Variants in IRS1 observed in about 807,000 individuals in gnomAD.
The protein encoded by IRS1 is insulin receptor substrate 1.
IRS1 carries 34 observed loss-of-function variants against 65.6 expected under a neutral mutation model. That is an observed-to-expected ratio of 0.52 (90% CI 0.39 to 0.69). IRS1 has a LOEUF of 0.69. IRS1 is among the 30% of genes least tolerant of loss of function. The probability of loss-of-function intolerance (pLI) is 0.00; values close to 1 mark genes in which losing one functional copy is unlikely to be tolerated. For missense variants in IRS1, 1,641 were observed against 1,720.2 expected, an observed-to-expected ratio of 0.95 and a Z score of 0.81; for synonymous variants, 699 against 683.5, an observed-to-expected ratio of 1.02 and a Z score of -0.35.
At chr2:226,784,505 C>T (rs1176447498) in intron 1 of IRS1, among the ~76,000 whole-genome samples, 3 of 152,078 alleles carry the variant, frequency 2.0e-5, no homozygotes, top group Admixed American at 2.0e-4. Flanking sequence ...TCACTGCAAT[C>T]TCTGCCTGTC....
In IRS1 at chr2:226,797,972, G is replaced by A; in HGVS notation, c.767C>T (p.Ala256Val). 1 of 1,614,090 alleles carries A rather than the reference G, an allele frequency of 6.2e-7. No individual in the cohort carries two copies. The highest frequency in any genetic ancestry group is 8.5e-7 in the Non-Finnish European group (1 of 1,180,022). The change falls in exon 1 of 2, where the codon GCC (alanine) becomes GTC (valine). Residue 256 changes from alanine to valine, a missense_variant. Transcript: ENST00000305123. The surrounding 1 kb of genome is among the most constrained non-coding windows in gnomAD (Gnocchi z 8.1). ...AQNMHETILEAMRAMSDEFRP... is the reference protein window; with the variant it reads ...AQNMHETILEVMRAMSDEFRP... ...GAACTCATCACTCATGGCCCGCATG[G>A]CCTCCAGGATGGTCTCGTGCATGTT...
intron 1 of IRS1, among the ~76,000 whole-genome samples, chr2:226,786,011 G>A (rs1355690072): frequency 6.7e-6 from 1 of 148,378 alleles, no homozygotes; most frequent in Non-Finnish European, 1.5e-5. Flanking sequence ...TTTTGTCCTT[G>A]CGATAGTTTG....
rs1938262409 is a variant in IRS1 at position 226,733,092 on chromosome 2, TAAATATA to T, written c.*3173_*3179del. On this transcript the variant is annotated 3_prime_UTR_variant, in exon 2 of 2. Transcript: ENST00000305123. ...CCTTTTTTTAACCACCTGCAGTAAATAAATATAAAGTTTCCGACTTTGTGGTATATTG... is the reference window on the plus strand; with the variant it reads ...CCTTTTTTTAACCACCTGCAGTAAATAAGTTTCCGACTTTGTGGTATATTG... 2 of 150,792 alleles carry T rather than the reference TAAATATA, an allele frequency of 1.3e-5. No homozygotes were observed. The highest frequency in any genetic ancestry group is 1.3e-4 in the Admixed American group (2 of 15,214). The allele number at this position is 150,792 out of a possible 1,614,324, so 9.3% of individuals were successfully genotyped here.
At position 226,796,369 on chromosome 2, in the gene IRS1, G is replaced by A; in HGVS notation, c.2370C>T (p.Arg790=). Residue 790 remains arginine, a synonymous_variant, in exon 1 of 2, where the codon CGC becomes CGT. Transcript: ENST00000305123. ...GAAGGCGACCAGAGCTAGTGGAAAG[G>A]CGGAGGTGCTGATGCCGGGCACCCT... ...PEEGARHQHL[R]LSTSSGRLLY... 6.2e-6 allele frequency: 10 copies of A among 1,613,338 alleles called. No homozygotes were observed. The highest frequency in any genetic ancestry group is 5.9e-6 in the Non-Finnish European group (7 of 1,180,040).
At position 226,795,650 on chromosome 2, in the gene IRS1, G is replaced by T. The variant is rs536862124; in HGVS notation, c.3089C>A (p.Thr1030Asn). ...AAEEVSLPRA[T>N]MAAASSSSAA... The stretch of plus-strand genomic sequence containing the variant: ...TGAGGATGAGGAGGCAGCAGCCATG[G>T]TGGCCCTGGGCAGGCTCACCTCCTC... Residue 1030 changes from threonine to asparagine, a missense_variant, in exon 1 of 2, where the codon ACC becomes AAC. By Grantham distance (65) the Thr-to-Asn change is moderately conservative. This residue lies in a region of IRS1 where 1,324 missense variants were observed against 1,361.0 expected (regional missense o/e 0.97). Transcript: ENST00000305123. 1 of 1,612,956 alleles carries T rather than the reference G, an allele frequency of 6.2e-7. No homozygotes were observed. The highest frequency in any genetic ancestry group is 8.5e-7 in the Non-Finnish European group (1 of 1,179,894).
intron 1 of IRS1, among the ~76,000 whole-genome samples, chr2:226,749,992 G>A (rs1209245650): frequency 6.6e-6 from 1 of 152,172 alleles, no homozygotes; most frequent in Non-Finnish European, 1.5e-5. Context: ...GCTCATGCCT[G>A]TAATCTCAGC....
Position 226,769,146 on chromosome 2 carries a change from C to A in IRS1, c.*21+25843G>T, listed in dbSNP as rs188468905. 1.6e-3 allele frequency among the ~76,000 whole-genome samples: 238 copies of A among 152,334 alleles called. 1 individual carries two copies. The highest frequency in any genetic ancestry group is 5.0e-3 in the African/African-American group (208 of 41,570). On this transcript the variant is annotated intron_variant, in intron 1 of 1. Transcript: ENST00000305123. ...GAAACTAGTAATAGGATTCTCCCAA[C>A]TCAATACTCCCACTATCACCGAATC...
intron 1 of IRS1, chr2:226,792,353 C>A (rs1939628628): frequency 6.6e-6 from 1 of 152,150 alleles, no homozygotes; most frequent in Non-Finnish European, 1.5e-5. Context: ...AATTTACTCT[C>A]TGCAGAGAGT....
rs1938291004 is a variant in IRS1, at chr2:226,734,551, C to G, written c.*1721G>C. ...CACTACAATGCCCTCCAACCCTGGC[C>G]CCTACCTTGTAGTCCCCACTCCCAC... On this transcript the variant is annotated 3_prime_UTR_variant, in exon 2 of 2. Transcript: ENST00000305123. 1 of 152,130 alleles carries G rather than the reference C, an allele frequency of 6.6e-6. No homozygotes were observed. Among genetic ancestry groups the G allele is most frequent in the Admixed American group, 6.6e-5 (1 of 15,264 alleles). 9.4% of individuals were successfully genotyped at this position (152,130 alleles called of 1,614,324 possible).
At chr2:226,791,610 A>C (rs2106182362) in intron 1 of IRS1, among the ~76,000 whole-genome samples, 1 of 151,634 alleles carries the variant, frequency 6.6e-6, no homozygotes, top group Non-Finnish European at 1.5e-5. Flanking sequence ...GGTGCCAGGC[A>C]GGGTGGCAGA....
chr2:226,798,790 C>A lies in IRS1; in HGVS notation c.-52G>T. The A allele has an allele frequency of 6.4e-7, 1 of 1,574,678 alleles. No individual in the cohort carries two copies. Among genetic ancestry groups the A allele is most frequent in the Non-Finnish European group, 8.6e-7 (1 of 1,161,084 alleles). ...GCAGAGGGAGGCTCCGAAAAACAAC[C>A]GGGTGGGGGGCGGAGGCTCCTCGCC... is the stretch of plus-strand genomic sequence containing the variant. On this transcript the variant is annotated 5_prime_UTR_variant, in exon 1 of 2. Transcript: ENST00000305123. This position sits in a 1 kb window ranked among gnomAD's most constrained non-coding sequence, Gnocchi z 9.4.
intron 1 of IRS1, among the ~76,000 whole-genome samples, chr2:226,750,700 G>C (rs543418927): frequency 6.6e-6 from 1 of 152,132 alleles, no homozygotes; most frequent in Non-Finnish European, 1.5e-5. Flanking sequence ...CATCAATATA[G>C]GACCTTGTCT....
Position 226,794,980 on chromosome 2 carries a change from G to GAAAC in IRS1, c.*21+5_*21+8dup. On this transcript the variant is annotated intron_variant, in intron 1 of 1. Transcript: ENST00000305123. This position sits in a 1 kb window ranked among gnomAD's most constrained non-coding sequence, Gnocchi z 4.1. ...TTTTGTCTTCTGACTTTGTCACCAT[G>GAAAC]AAACGCACCTGCTGTGATGTCCAGT... is the stretch of plus-strand genomic sequence containing the variant. 6.2e-7 allele frequency: 1 copy of GAAAC among 1,612,044 alleles called. No homozygotes were observed. The highest frequency in any genetic ancestry group is 1.1e-5 in the South Asian group (1 of 91,028).
At position 226,732,535 on chromosome 2, in the gene IRS1, T is replaced by A. The variant is rs1039398451; in HGVS notation, c.*3737A>T. On this transcript the variant is annotated 3_prime_UTR_variant, in exon 2 of 2. Coordinates refer to ENST00000305123, the MANE Select transcript of IRS1 (RefSeq NM_005544.3). ...GTATCTATATATGTGTGTATATATA[T>A]CTATATATGTGTATATATATCTATA... 2.0e-5 allele frequency: 3 copies of A among 148,710 alleles called. No homozygotes were observed. The highest frequency in any genetic ancestry group is 1.4e-4 in the Admixed American group (2 of 14,730). 9.2% of individuals were successfully genotyped at this position (148,710 alleles called of 1,614,324 possible).
In IRS1 at chr2:226,731,934, A is replaced by G. The variant is rs1202649929; in HGVS notation, c.*4338T>C. 3 of 152,226 alleles carry G rather than the reference A, an allele frequency of 2.0e-5. No individual in the cohort carries two copies. The highest frequency in any genetic ancestry group is 2.9e-5 in the Non-Finnish European group (2 of 68,032). The allele number at this position is 152,226 out of a possible 1,614,324, so 9.4% of individuals were successfully genotyped here. ...ATCCTATGGCATACTCGTTAACAGC[A>G]TAAGCAAAGAGAGATTTAAATGCCA... On this transcript the variant is annotated 3_prime_UTR_variant, in exon 2 of 2. Coordinates refer to ENST00000305123, the MANE Select transcript of IRS1 (RefSeq NM_005544.3).
chr2:226,772,645 G>A (rs1939186571), intron 1 of IRS1, among the ~76,000 whole-genome samples: 1 of 149,048 alleles, frequency 6.7e-6, no homozygotes, highest in Admixed American at 6.7e-5. Context: ...AATGATGCTG[G>A]TAAATTCTTT....
intron 1 of IRS1, among the ~76,000 whole-genome samples, chr2:226,770,225 T>C (rs1309169672): frequency 1.3e-5 from 2 of 152,258 alleles, no homozygotes; most frequent in Non-Finnish European, 2.9e-5. Flanking sequence ...TAATAAATTA[T>C]GATTTTCCCC....
At chr2:226,768,250 T>C (rs947313365) in intron 1 of IRS1, among the ~76,000 whole-genome samples, 2 of 152,168 alleles carry the variant, frequency 1.3e-5, no homozygotes, top group African/African-American at 4.8e-5. Context: ...CCCTTTACAC[T>C]ATTTCATTGG....
chr2:226,760,975 G>A (rs1284157574), intron 1 of IRS1, among the ~76,000 whole-genome samples: 1 of 152,172 alleles, frequency 6.6e-6, no homozygotes, highest in Non-Finnish European at 1.5e-5. Flanking sequence ...GTATGATTGT[G>A]AAACCTAACC....
Sources: allele counts gnomAD v4.1 joint callset (sites outside exome capture counted in the v4.1 genomes callset), GRCh38; gene constraint gnomAD v4.1.1; regional missense constraint gnomAD v4.1.1; non-coding constraint Gnocchi (gnomAD v3.1); transcripts MANE v1.5; gene names NCBI Gene and HGNC (gene_info 2026-07-23, HGNC 2026-07-21).